The following WDR27 variants were observed in gnomAD, a reference collection of about 807,000 sequenced individuals.
WDR27 encodes WD repeat-containing protein 27.
In WDR27, 100 loss-of-function variants were observed where a neutral mutation model predicts 114.4. The ratio of observed to expected loss-of-function variants is 0.87; its 90% confidence interval spans 0.74 to 1.03. The LOEUF (loss-of-function observed/expected upper bound fraction) is 1.03, where lower values mean the gene tolerates loss of function less well. WDR27 is among the 50% of genes least tolerant of loss of function. The probability of loss-of-function intolerance (pLI) is 0.00; values close to 1 mark genes in which losing one functional copy is unlikely to be tolerated. For missense variants in WDR27, 1,129 were observed against 1,092.9 expected (o/e 1.03, Z -0.47); for synonymous variants, 449 against 423.1 (o/e 1.06, Z -0.75).
intron 25 of WDR27, among the ~76,000 whole-genome samples, chr6:169,510,216 G>A (rs1170832097): frequency 6.6e-6 from 1 of 152,140 alleles, no homozygotes; most frequent in Non-Finnish European, 1.5e-5. Context: ...TGTGGAAGTT[G>A]GCGTGGCAAT....
chr6:169,679,108 G>A (rs1247421258), intron 2 of WDR27, among the ~76,000 whole-genome samples: 2 of 152,114 alleles, frequency 1.3e-5, no homozygotes, highest in African/African-American at 4.8e-5. Flanking sequence ...TTTACCTATA[G>A]CCTGGAAGCC....
At chr6:169,449,647 T>C in the WDR27 span, among the ~76,000 whole-genome samples, 1 of 152,168 alleles carries the variant, frequency 6.6e-6, no homozygotes, top group East Asian at 1.9e-4. Context: ...ACCCTCTTAG[T>C]GTCAAAGGCA....
At chr6:169,545,146 G>C (rs148708461) in intron 25 of WDR27, among the ~76,000 whole-genome samples, 3,312 of 152,264 alleles carry the variant, frequency 0.022, 63 homozygotes, top group Non-Finnish European at 0.033. Flanking sequence ...CTATCTCACA[G>C]TATAGCTTAC....
intron 25 of WDR27, among the ~76,000 whole-genome samples, chr6:169,526,238 A>C (rs1794959355): frequency 6.6e-6 from 1 of 152,214 alleles, no homozygotes; most frequent in Non-Finnish European, 1.5e-5. Flanking sequence ...GTCACAGCTA[A>C]AGCTATAAAA....
intron 25 of WDR27, among the ~76,000 whole-genome samples, chr6:169,473,948 C>T (rs372654989): frequency 6.6e-6 from 1 of 152,264 alleles, no homozygotes; most frequent in Non-Finnish European, 1.5e-5. Context: ...TTTGGCCCAA[C>T]TGGGGCCAGG....
the WDR27 span, among the ~76,000 whole-genome samples, chr6:169,435,331 G>C: frequency 6.6e-6 from 1 of 152,196 alleles, no homozygotes; most frequent in Non-Finnish European, 1.5e-5. Context: ...TTGCCTAGTG[G>C]AGCTGTGAGA....
chr6:169,607,984 C>G (rs115400239), intron 22 of WDR27, among the ~76,000 whole-genome samples: 3 of 152,282 alleles, frequency 2.0e-5, no homozygotes, highest in African/African-American at 7.2e-5. Flanking sequence ...TAGCCTACTA[C>G]ACACCTAAGC....
chr6:169,662,698 G>A (rs13197305), intron 8 of WDR27, among the ~76,000 whole-genome samples: 22 of 117,002 alleles, frequency 1.9e-4, no homozygotes, highest in African/African-American at 3.4e-4. Flanking sequence ...GAAAGCACTA[G>A]GGTAACACCC....
intron 18 of WDR27, among the ~76,000 whole-genome samples, chr6:169,636,749 T>C (rs1817737117): frequency 6.6e-6 from 1 of 152,188 alleles, no homozygotes; most frequent in Non-Finnish European, 1.5e-5. Flanking sequence ...TAAAAGAAAA[T>C]CGAAACTTAG....
chr6:169,587,486 T>C (rs1265379130), intron 23 of WDR27, among the ~76,000 whole-genome samples: 1 of 152,200 alleles, frequency 6.6e-6, no homozygotes, highest in Non-Finnish European at 1.5e-5. Flanking sequence ...CCCAAAGTGC[T>C]GGGATTACAG....
At chr6:169,474,089 C>T (rs1443029974) in intron 25 of WDR27, among the ~76,000 whole-genome samples, 1 of 152,232 alleles carries the variant, frequency 6.6e-6, no homozygotes, top group Non-Finnish European at 1.5e-5. Flanking sequence ...GGATGTCCCC[C>T]ATAGAGTAAA....
chr6:169,454,490 GTCC>G, downstream of WDR27, among the ~76,000 whole-genome samples: 1 of 152,208 alleles, frequency 6.6e-6, no homozygotes, highest in East Asian at 1.9e-4. Context: ...ACACCCAGGC[GTCC>G]TCCTTCAATA....
At position 169,613,625 on chromosome 6, in the gene WDR27, G is replaced by T; in HGVS notation, c.2255C>A (p.Ala752Asp). ...GSSFTTQQPQ[A>D]YNLFLTTAIG... ...GGCCGTGGTCAGGAAAAGGTTATAA[G>T]CCTGAGGCTGTTGGGTTGTAAATGA... Residue 752 changes from alanine (A) to aspartate (D), a missense_variant, in exon 22 of 26, where the codon GCT (alanine) becomes GAT (aspartate). Physicochemically the swap from Ala to Asp is moderately radical, Grantham distance 126. Transcript: ENST00000448612. 2 of 1,613,844 alleles carry T rather than the reference G, an allele frequency of 1.2e-6. No homozygotes were observed. Among genetic ancestry groups the T allele is most frequent in the South Asian group, 2.2e-5 (2 of 91,056 alleles).
At chr6:169,534,925 T>C (rs904686771) in intron 25 of WDR27, among the ~76,000 whole-genome samples, 5 of 152,070 alleles carry the variant, frequency 3.3e-5, no homozygotes, top group African/African-American at 4.8e-5. Flanking sequence ...AAAATACCTA[T>C]GGATATCTAT....
At chr6:169,565,631 A>G (rs1234077599) in intron 25 of WDR27, among the ~76,000 whole-genome samples, 2 of 150,762 alleles carry the variant, frequency 1.3e-5, no homozygotes, top group Non-Finnish European at 3.0e-5. Context: ...GTTCCTAAAG[A>G]GTCAATGTTA....
intron 21 of WDR27, among the ~76,000 whole-genome samples, chr6:169,618,982 C>T (rs1045371474): frequency 6.6e-6 from 1 of 152,058 alleles, no homozygotes; most frequent in Non-Finnish European, 1.5e-5. Context: ...AAGTAAAACC[C>T]GTAATTTTCC....
At chr6:169,606,839 T>C (rs546602987) in intron 22 of WDR27, among the ~76,000 whole-genome samples, 3 of 152,190 alleles carry the variant, frequency 2.0e-5, no homozygotes, top group East Asian at 1.9e-4. Flanking sequence ...AGTAATGGGA[T>C]TGCTGGGTCA....
rs775713985 is a variant in WDR27 at position 169,634,421 on chromosome 6, A to C, written c.2101+7T>G. ...AAAACCCTACCAGGATCCGGGAGAA[A>C]GGATACGGGAATAAAAGTCGTTGAC... On this transcript the variant is annotated splice_region_variant and intron_variant, in intron 20 of 25. Coordinates refer to ENST00000448612, the MANE Select transcript of WDR27 (RefSeq NM_182552.5). 2 of 1,605,352 alleles carry C rather than the reference A, an allele frequency of 1.2e-6. No individual in the cohort carries two copies. Among genetic ancestry groups the C allele is most frequent in the Non-Finnish European group, 1.7e-6 (2 of 1,174,308 alleles).
the WDR27 span, among the ~76,000 whole-genome samples, chr6:169,434,928 T>C: frequency 6.6e-6 from 1 of 152,228 alleles, no homozygotes; most frequent in African/African-American, 2.4e-5. Flanking sequence ...TCAGAGGTCT[T>C]CACAGCAGCC....
Sources: allele counts gnomAD v4.1 joint callset (sites outside exome capture counted in the v4.1 genomes callset), GRCh38; gene constraint gnomAD v4.1.1; transcripts MANE v1.5; gene names NCBI Gene and HGNC (gene_info 2026-07-23, HGNC 2026-07-21).